Variants in WWOX observed in about 807,000 individuals in gnomAD.
The protein encoded by WWOX is WW domain containing oxidoreductase.
A neutral mutation model predicts 46.2 loss-of-function variants in WWOX; 69 were observed. The observed-to-expected ratio is 1.49, with a 90% CI of 1.23 to 1.82. The LOEUF (loss-of-function observed/expected upper bound fraction) is 1.82, where lower values mean the gene tolerates loss of function less well. Ranked by LOEUF, WWOX falls within the 40% of genes most tolerant of loss-of-function variation. WWOX has a pLI of 0.00. For missense variants in WWOX, 919 were observed against 542.6 expected, an observed-to-expected ratio of 1.69 and a Z score of -6.89; for synonymous variants, 359 against 202.6, an observed-to-expected ratio of 1.77 and a Z score of -6.56.
intron 8 of WWOX, among the ~76,000 whole-genome samples, chr16:79,095,863 T>C (rs868093674): frequency 0.015 from 1,940 of 131,426 alleles, 38 homozygotes; most frequent in African/African-American, 0.058. Context: ...TCTCTCTCTT[T>C]TTTTTTTTTT....
intron 8 of WWOX, among the ~76,000 whole-genome samples, chr16:78,623,593 T>C (rs1415461512): frequency 2.0e-5 from 3 of 152,064 alleles, no homozygotes; most frequent in African/African-American, 4.8e-5. Flanking sequence ...GGGATGAGAA[T>C]CACTTGAACC....
intron 8 of WWOX, among the ~76,000 whole-genome samples, chr16:78,913,246 C>G (rs993366203): frequency 6.6e-6 from 1 of 151,978 alleles, no homozygotes; most frequent in Non-Finnish European, 1.5e-5. Flanking sequence ...TTGCCTAGTG[C>G]TTCACATAAG....
intron 8 of WWOX, among the ~76,000 whole-genome samples, chr16:79,200,791 T>A (rs923987909): frequency 6.6e-6 from 1 of 152,192 alleles, no homozygotes; most frequent in African/African-American, 2.4e-5. Flanking sequence ...GTGCTGATAT[T>A]GTACCTGGGC....
intron 8 of WWOX, among the ~76,000 whole-genome samples, chr16:78,838,275 C>T (rs761848616): frequency 9.9e-5 from 15 of 152,062 alleles, no homozygotes; most frequent in East Asian, 5.8e-4. Flanking sequence ...CAAAAAAAGA[C>T]AGGGTAGTTG....
chr16:78,919,111 G>T (rs1018706182), intron 8 of WWOX, among the ~76,000 whole-genome samples: 3 of 152,126 alleles, frequency 2.0e-5, no homozygotes, highest in Non-Finnish European at 4.4e-5. Context: ...ACTCACTTGA[G>T]ATCCTACTAA....
chr16:78,527,624 A>G (rs560363674), intron 8 of WWOX, among the ~76,000 whole-genome samples: 1 of 152,150 alleles, frequency 6.6e-6, no homozygotes, highest in African/African-American at 2.4e-5. Context: ...GTTTAACTAC[A>G]TTTAACCATG....
intron 8 of WWOX, among the ~76,000 whole-genome samples, chr16:78,642,420 T>G (rs1308278409): frequency 6.6e-6 from 1 of 152,218 alleles, no homozygotes; most frequent in Admixed American, 6.5e-5. Context: ...CTTCTTTCTC[T>G]TTGGGCTCCC....
intron 8 of WWOX, among the ~76,000 whole-genome samples, chr16:79,082,876 C>T (rs536827238): frequency 3.3e-5 from 5 of 152,170 alleles, no homozygotes; most frequent in East Asian, 1.9e-4. Context: ...ATGTGTAATC[C>T]GTGGCAGATG....
chr16:78,950,388 T>G (rs912730095), intron 8 of WWOX, among the ~76,000 whole-genome samples: 1 of 152,116 alleles, frequency 6.6e-6, no homozygotes, highest in Non-Finnish European at 1.5e-5. Flanking sequence ...TGGCATGCCA[T>G]TGTTCTGAGA....
Position 78,341,918 on chromosome 16 carries a change from C to G in WWOX, c.517-44942C>G, listed in dbSNP as rs2081022124. 1.7e-5 allele frequency among the ~76,000 whole-genome samples: 2 copies of G among 117,374 alleles called. 1 individual carries two copies. Among genetic ancestry groups the G allele is most frequent in the South Asian group, 5.1e-4 (2 of 3,914 alleles). The allele number at this position is 117,374 out of a possible 152,430, so 77.0% of individuals were successfully genotyped here. A position where few individuals can be genotyped will look rare whatever the true frequency, so the allele number is the denominator to read the frequency against. On this transcript the variant is annotated intron_variant, in intron 5 of 8. Transcript: ENST00000566780. ...TTGCTTGTCTTACAGGAGTTGAAGA[C>G]TAGCCTTGGCAACATAGCAAGACCT... is the stretch of plus-strand genomic sequence containing the variant.
intron 8 of WWOX, among the ~76,000 whole-genome samples, chr16:78,746,900 G>A (rs763056525): frequency 6.6e-6 from 1 of 152,040 alleles, no homozygotes; most frequent in Non-Finnish European, 1.5e-5. Flanking sequence ...CAGTATTTTG[G>A]CAGTAGCTGA....
chr16:78,932,208 T>C (rs12930134), intron 8 of WWOX, among the ~76,000 whole-genome samples: 27,946 of 152,156 alleles, frequency 0.18, 2,642 homozygotes, highest in South Asian at 0.26. Context: ...GAGGGGTAGC[T>C]CTTTTTCTAA....
At chr16:78,537,634 C>T (rs2043790954) in intron 8 of WWOX, among the ~76,000 whole-genome samples, 1 of 152,000 alleles carries the variant, frequency 6.6e-6, no homozygotes, top group South Asian at 2.1e-4. Flanking sequence ...GAAGAAAGAG[C>T]TTGGTTGTGA....
chr16:78,736,149 G>C (rs892475880), intron 8 of WWOX, among the ~76,000 whole-genome samples: 2 of 152,228 alleles, frequency 1.3e-5, no homozygotes, highest in South Asian at 2.1e-4. Flanking sequence ...CAGAAGTGAA[G>C]AGAAGATGTG....
intron 1 of WWOX, among the ~76,000 whole-genome samples, chr16:78,103,842 G>C (rs1016866857): frequency 1.3e-5 from 2 of 151,838 alleles, no homozygotes; most frequent in African/African-American, 4.8e-5. Flanking sequence ...GGTGGAACCC[G>C]GTCTTGTGTG....
chr16:78,217,432 G>T (rs1184106998), intron 5 of WWOX, among the ~76,000 whole-genome samples: 1 of 152,158 alleles, frequency 6.6e-6, no homozygotes, highest in African/African-American at 2.4e-5. Flanking sequence ...GTGAGCAGCA[G>T]AACAAAAATC....
intron 4 of WWOX, chr16:78,129,950 A>C (rs1300978254): frequency 6.6e-6 from 1 of 152,026 alleles, no homozygotes. Flanking sequence ...TGTGGGAGGG[A>C]CCCGGTGGGA....
At chr16:78,250,727 G>T (rs1458595615) in intron 5 of WWOX, among the ~76,000 whole-genome samples, 3 of 152,152 alleles carry the variant, frequency 2.0e-5, no homozygotes, top group Non-Finnish European at 2.9e-5. Flanking sequence ...TACAGAAATG[G>T]TCCAGTGGCA....
At chr16:79,030,253 CTT>C (rs1379308372) in intron 8 of WWOX, among the ~76,000 whole-genome samples, 1 of 152,196 alleles carries the variant, frequency 6.6e-6, no homozygotes, top group African/African-American at 2.4e-5. Flanking sequence ...TGATTCTACT[CTT>C]TTAATTTTTT....
Sources: gnomAD v4.1 joint callset for allele counts (sites outside exome capture counted in the v4.1 genomes callset) on GRCh38, gnomAD v4.1.1 for gene constraint, MANE v1.5 for transcripts, NCBI Gene and HGNC (gene_info 2026-07-23, HGNC 2026-07-21) for gene names.